The following BMERB1 variants were observed in gnomAD, a reference collection of about 807,000 sequenced individuals.
BMERB1 encodes the protein bMERB domain-containing protein 1.
BMERB1 carries 12 observed loss-of-function variants against 23.6 expected under a neutral mutation model. The ratio of observed to expected loss-of-function variants is 0.51; its 90% CI spans 0.33 to 0.82. BMERB1 has a LOEUF of 0.82. BMERB1 is among the 40% of genes least tolerant of loss of function. The pLI, the probability that BMERB1 is intolerant of heterozygous loss-of-function variation, is 0.03. For missense variants in BMERB1, 247 were observed against 255.4 expected (o/e 0.97, Z 0.22); for synonymous variants, 122 against 96.6 (o/e 1.26, Z -1.54).
intron 5 of BMERB1, chr16:15,583,944 T>C (rs1596405609): frequency 1.4e-6 from 1 of 694,212 alleles, no homozygotes; most frequent in Non-Finnish European, 2.6e-6. Context: ...TTGCAAAGTT[T>C]GGTGCATTTC....
intron 2 of BMERB1, among the ~76,000 whole-genome samples, chr16:15,517,851 ATGTGTGTGTGTGGATG>A (rs1461821748): frequency 2.6e-5 from 2 of 78,284 alleles, no homozygotes. Context: ...TGTATTGTGG[ATGTGTGTGTGTGGATG>A]TGTGTGGGTG....
chr16:15,449,446 C>G (rs1032287410), intron 1 of BMERB1, among the ~76,000 whole-genome samples: 1 of 152,154 alleles, frequency 6.6e-6, no homozygotes, highest in Non-Finnish European at 1.5e-5. Flanking sequence ...ATGGTTTCAC[C>G]CAGACCCCAG....
intron 1 of BMERB1, among the ~76,000 whole-genome samples, chr16:15,480,480 C>A (rs1012422026): frequency 6.6e-6 from 1 of 151,990 alleles, no homozygotes; most frequent in Non-Finnish European, 1.5e-5. Context: ...GTAGTCTATC[C>A]TATCCCTACT....
intron 5 of BMERB1, among the ~76,000 whole-genome samples, chr16:15,584,422 G>T (rs767711415): frequency 6.6e-5 from 10 of 152,018 alleles, no homozygotes; most frequent in Non-Finnish European, 1.3e-4. Context: ...GCCGGGCTTG[G>T]TGGTGGGCGC....
At chr16:15,487,025 C>G (rs2051374655) in intron 1 of BMERB1, among the ~76,000 whole-genome samples, 1 of 152,144 alleles carries the variant, frequency 6.6e-6, no homozygotes. Flanking sequence ...TTCATTATGA[C>G]AGATTGTTTT....
intron 1 of BMERB1, among the ~76,000 whole-genome samples, chr16:15,503,421 A>G (rs1259137311): frequency 6.7e-6 from 1 of 149,018 alleles, no homozygotes; most frequent in East Asian, 2.0e-4. Context: ...AGCTGGGACT[A>G]CAGGCGCCTG....
Position 15,443,223 on chromosome 16 carries a change from G to T in BMERB1, c.106+8464G>T, listed in dbSNP as rs140142988. Reference sequence around the variant, plus strand: ...AGATTGCACCACTGGACTCCAGCCTGAGCGACAGAGCAAGACCTGAGACCC... The same window carrying T: ...AGATTGCACCACTGGACTCCAGCCTTAGCGACAGAGCAAGACCTGAGACCC... On this transcript the variant is annotated intron_variant, in intron 1 of 5. Coordinates refer to ENST00000300006, the MANE Select transcript of BMERB1 (RefSeq NM_033201.3). 5.3e-3 allele frequency among the ~76,000 whole-genome samples: 799 copies of T among 150,438 alleles called. 5 individuals carry two copies. The highest frequency in any genetic ancestry group is 8.1e-3 in the Non-Finnish European group (546 of 67,650).
chr16:15,583,301 C>A, intron 5 of BMERB1, 63 bp downstream of exon 5: 1 of 1,329,116 alleles, frequency 7.5e-7, no homozygotes. Flanking sequence ...TCAGGCCAGG[C>A]CCACAGTGGA....
At chr16:15,461,456 T>G (rs1222783035) in intron 1 of BMERB1, among the ~76,000 whole-genome samples, 2 of 152,110 alleles carry the variant, frequency 1.3e-5, no homozygotes, top group African/African-American at 2.4e-5. Context: ...CACTCACCTC[T>G]CAGAACTCAT....
At chr16:15,561,637 A>G (rs573005728) in intron 2 of BMERB1, among the ~76,000 whole-genome samples, 2 of 152,110 alleles carry the variant, frequency 1.3e-5, no homozygotes, top group Non-Finnish European at 2.9e-5. Context: ...TCATGCCTGT[A>G]ATCCCAGTGC....
chr16:15,493,262 G>C (rs1242496534), intron 1 of BMERB1, among the ~76,000 whole-genome samples: 2 of 152,080 alleles, frequency 1.3e-5, no homozygotes, highest in African/African-American at 2.4e-5. Flanking sequence ...TGAGGCAGGA[G>C]AATCGCTTGA....
At chr16:15,537,573 C>T (rs1235076171) in intron 2 of BMERB1, among the ~76,000 whole-genome samples, 4 of 151,476 alleles carry the variant, frequency 2.6e-5, no homozygotes, top group Admixed American at 6.6e-5. Flanking sequence ...AGGCTGGTCT[C>T]GAACTCCTGT....
chr16:15,538,857 C>T (rs1040504457), intron 2 of BMERB1, among the ~76,000 whole-genome samples: 2 of 152,082 alleles, frequency 1.3e-5, no homozygotes, highest in African/African-American at 2.4e-5. Context: ...TGAAGGGGCC[C>T]ATGTTGTAGC....
At chr16:15,436,962 A>G (rs991520138) in intron 1 of BMERB1, among the ~76,000 whole-genome samples, 3 of 152,260 alleles carry the variant, frequency 2.0e-5, no homozygotes, top group African/African-American at 7.2e-5. Context: ...AAAAATTTAA[A>G]TATAAATTTA....
At chr16:15,554,459 A>T (rs77335011) in intron 2 of BMERB1, among the ~76,000 whole-genome samples, 1,571 of 152,142 alleles carry the variant, frequency 0.01, 20 homozygotes, top group Non-Finnish European at 0.014. Flanking sequence ...GTATTGTTTG[A>T]TGTTTTTATA....
intron 1 of BMERB1, among the ~76,000 whole-genome samples, chr16:15,499,323 G>A (rs554651470): frequency 2.0e-5 from 3 of 151,196 alleles, no homozygotes; most frequent in East Asian, 2.0e-4. Context: ...ACTTGAACCC[G>A]GGAGGTGGAG....
chr16:15,488,481 C>A (rs955583990), intron 1 of BMERB1, among the ~76,000 whole-genome samples: 1 of 152,026 alleles, frequency 6.6e-6, no homozygotes, highest in African/African-American at 2.4e-5. Context: ...GGTTCTAACA[C>A]CCCAGATGCA....
chr16:15,448,466 A>G (rs892476451), intron 1 of BMERB1, among the ~76,000 whole-genome samples: 4 of 152,222 alleles, frequency 2.6e-5, no homozygotes, highest in East Asian at 3.9e-4. Flanking sequence ...AGGCAAGGAA[A>G]AACCCTGTCA....
At chr16:15,472,876 TTG>T (rs2051241998) in intron 1 of BMERB1, among the ~76,000 whole-genome samples, 1 of 151,566 alleles carries the variant, frequency 6.6e-6, no homozygotes. Context: ...TTTTTTTTTT[TTG>T]ACATGGTCTC....
Sources: gnomAD v4.1 joint callset for allele counts (sites outside exome capture counted in the v4.1 genomes callset) on GRCh38, gnomAD v4.1.1 for gene constraint, MANE v1.5 for transcripts, NCBI Gene and HGNC (gene_info 2026-07-23, HGNC 2026-07-21) for gene names.